The following PCDHGA6 variants were observed in gnomAD, a reference collection of about 807,000 sequenced individuals.
The protein encoded by PCDHGA6 is protocadherin gamma-A6.
A neutral mutation model predicts 60.6 loss-of-function variants in PCDHGA6; 41 were observed. That is an observed-to-expected ratio of 0.68 (90% CI 0.53 to 0.88). The LOEUF (loss-of-function observed/expected upper bound fraction) is 0.88. Among genes scored for constraint, PCDHGA6 ranks in the 40% least tolerant of loss-of-function variants. PCDHGA6 has a pLI of 0.00. For missense variants in PCDHGA6, 1,312 were observed against 1,203.0 expected (o/e 1.09, Z -1.34); for synonymous variants, 594 against 524.4 (o/e 1.13, Z -1.81).
At chr5:141,441,747 G>A in intron 1 of PCDHGA6, 2 of 372,470 alleles carry the variant, frequency 5.4e-6, no homozygotes, top group Non-Finnish European at 5.4e-6. Flanking sequence ...CGCGCTCGGC[G>A]TCAACGTGAG....
chr5:141,481,880 C>CTCCA (rs1483509373), intron 1 of PCDHGA6, among the ~76,000 whole-genome samples: 1 of 145,300 alleles, frequency 6.9e-6, no homozygotes, highest in Non-Finnish European at 1.5e-5. Context: ...CGCCACTGCA[C>CTCCA]TCCAGCCTGG....
chr5:141,505,583 T>A, intron 3 of PCDHGA6, 102 bp downstream of exon 3: 1 of 1,583,650 alleles, frequency 6.3e-7, no homozygotes, highest in Non-Finnish European at 8.6e-7. Context: ...ACCTGTGTAG[T>A]TTCTCCAGAT....
At chr5:141,459,165 C>T (rs1418626354) in intron 1 of PCDHGA6, among the ~76,000 whole-genome samples, 2 of 152,130 alleles carry the variant, frequency 1.3e-5, no homozygotes, top group African/African-American at 4.8e-5. Context: ...ATTTCTATAA[C>T]CTTCAAAAGT....
At chr5:141,409,745 T>G (rs968473065) in intron 1 of PCDHGA6, 9 of 1,613,074 alleles carry the variant, frequency 5.6e-6, no homozygotes, top group Non-Finnish European at 7.6e-6. Flanking sequence ...CGGGGTGGTG[T>G]TCGCGCAGCG....
Position 141,476,876 on chromosome 5 carries a change from C to A in PCDHGA6, c.2425-17931C>A, listed in dbSNP as rs1201654822. 1.2e-6 allele frequency: 2 copies of A among 1,613,994 alleles called. No individual in the cohort carries two copies. Among genetic ancestry groups the A allele is most frequent in the Non-Finnish European group, 1.7e-6 (2 of 1,180,048 alleles). ...CCAGTCCTTGTACCGGGCGCGCGTC[C>A]TGGAGGATGCACCCTCCGGCACGCG... On this transcript the variant is annotated intron_variant, in intron 1 of 3. Transcript: ENST00000517434. The surrounding 1 kb of genome is among the most constrained non-coding windows in gnomAD (Gnocchi z 7.6).
At chr5:141,423,183 G>GCCCCCTCTCTCGGCCAC (rs760086052) in intron 1 of PCDHGA6, 8 of 1,613,570 alleles carry the variant, frequency 5.0e-6, no homozygotes, top group Non-Finnish European at 6.8e-6. Context: ...ACCACGGCCA[G>GCCCCCTCTCTCGGCCAC]CCCCCTCTCT....
chr5:141,404,790 A>T, intron 1 of PCDHGA6: 1 of 1,611,288 alleles, frequency 6.2e-7, no homozygotes, highest in East Asian at 2.2e-5. Context: ...AAGGCCAGTG[A>T]GCCAGGGCTC....
chr5:141,486,940 A>T lies in PCDHGA6; in HGVS notation c.2425-7867A>T. ...CTCCATCAGTTGGTGCTGGCCACCTAATCACAAAGGTGACTGCTGTGGACT... is the reference window on the plus strand; with the variant it reads ...CTCCATCAGTTGGTGCTGGCCACCTTATCACAAAGGTGACTGCTGTGGACT... On this transcript the variant is annotated intron_variant, in intron 1 of 3. Coordinates refer to ENST00000517434, the MANE Select transcript of PCDHGA6 (RefSeq NM_018919.3). This position sits in a 1 kb window ranked among gnomAD's most constrained non-coding sequence, Gnocchi z 5.0. 6.2e-7 allele frequency: 1 copy of T among 1,614,188 alleles called. No homozygotes were observed. Among genetic ancestry groups the T allele is most frequent in the Non-Finnish European group, 8.5e-7 (1 of 1,180,032 alleles).
intron 1 of PCDHGA6, chr5:141,408,648 G>A: frequency 2.5e-6 from 4 of 1,613,922 alleles, no homozygotes; most frequent in South Asian, 2.2e-5. Flanking sequence ...GCATCCGCTG[G>A]TACACGACTA....
intron 1 of PCDHGA6, chr5:141,420,939 C>A: frequency 2.6e-6 from 1 of 387,512 alleles, no homozygotes; most frequent in South Asian, 5.2e-5. Context: ...GTAATCATTT[C>A]TTCTGGAATT....
At chr5:141,427,499 T>C in intron 1 of PCDHGA6, 2 of 571,516 alleles carry the variant, frequency 3.5e-6, no homozygotes, top group Non-Finnish European at 3.3e-6. Flanking sequence ...TTGTAACAGA[T>C]GGGACCCTGG....
chr5:141,420,238 T>C, intron 1 of PCDHGA6: 2 of 1,594,838 alleles, frequency 1.3e-6, no homozygotes, highest in South Asian at 1.1e-5. Context: ...GCATTTTAAC[T>C]CCCAGCGTTG....
chr5:141,434,178 G>C (rs960680568), intron 1 of PCDHGA6, among the ~76,000 whole-genome samples: 1 of 152,178 alleles, frequency 6.6e-6, no homozygotes, highest in African/African-American at 2.4e-5. Flanking sequence ...TTATATCCAA[G>C]ATTTGTAATT....
chr5:141,491,659 G>A lies in PCDHGA6; in HGVS notation c.2425-3148G>A. On this transcript the variant is annotated intron_variant, in intron 1 of 3. Transcript: ENST00000517434. This position sits in a 1 kb window ranked among gnomAD's most constrained non-coding sequence, Gnocchi z 6.9. ...CACAGCTCTGGCGCTGGAGCCTGACGCCATCCGGTCCCGCTCTAATACGCT... is the reference window on the plus strand; with the variant it reads ...CACAGCTCTGGCGCTGGAGCCTGACACCATCCGGTCCCGCTCTAATACGCT... 6.2e-7 allele frequency: 1 copy of A among 1,613,766 alleles called. No homozygotes were observed. The highest frequency in any genetic ancestry group is 8.5e-7 in the Non-Finnish European group (1 of 1,180,004).
chr5:141,473,776 T>C (rs1026169931), intron 1 of PCDHGA6, among the ~76,000 whole-genome samples: 1 of 152,214 alleles, frequency 6.6e-6, no homozygotes, highest in Non-Finnish European at 1.5e-5. Context: ...TTTGGTATTT[T>C]AATTCAAGAG....
chr5:141,385,111 T>C (rs373196114), intron 1 of PCDHGA6: 1 of 1,614,188 alleles, frequency 6.2e-7, no homozygotes, highest in South Asian at 1.1e-5. Context: ...CGTGCCCACC[T>C]CGCACTTTGT....
At chr5:141,494,232 A>T (rs2099752983) in intron 1 of PCDHGA6, among the ~76,000 whole-genome samples, 1 of 152,168 alleles carries the variant, frequency 6.6e-6, no homozygotes, top group African/African-American at 2.4e-5. Flanking sequence ...TCCTAAATTA[A>T]TAATGTATTT....
At chr5:141,407,497 G>GTTTTTTTTTTTTTTTT (rs1554102286) in intron 1 of PCDHGA6, among the ~76,000 whole-genome samples, 1 of 151,966 alleles carries the variant, frequency 6.6e-6, no homozygotes, top group Non-Finnish European at 1.5e-5. Flanking sequence ...CTTTATTTCT[G>GTTTTTTTTTTTTTTTT]TTTTTCTTAG....
intron 1 of PCDHGA6, chr5:141,399,349 C>G: frequency 6.2e-7 from 1 of 1,613,932 alleles, no homozygotes; most frequent in Non-Finnish European, 8.5e-7. Context: ...AACCCTAGAC[C>G]GAGAGCAAAC....
Sources: allele counts gnomAD v4.1 joint callset (sites outside exome capture counted in the v4.1 genomes callset), GRCh38; gene constraint gnomAD v4.1.1; non-coding constraint Gnocchi (gnomAD v3.1); transcripts MANE v1.5; gene names NCBI Gene and HGNC (gene_info 2026-07-23, HGNC 2026-07-21).